The following OLA1 variants were observed in gnomAD, a reference collection of about 807,000 sequenced individuals.
The protein encoded by OLA1 is obg-like ATPase 1.
In OLA1, 14 loss-of-function variants were observed where a neutral mutation model predicts 48.4. The observed-to-expected ratio is 0.29, with a 90% confidence interval of 0.19 to 0.45. OLA1 has a LOEUF of 0.45. Ranked by LOEUF, OLA1 falls within the 20% of genes least tolerant of loss-of-function variation. The pLI, the probability that OLA1 is intolerant of heterozygous loss-of-function variation, is 1.00. For synonymous variants in OLA1, 127 were observed against 150.4 expected (o/e 0.84, Z 1.14); for missense variants, 325 against 467.1 (o/e 0.70, Z 2.80).
At chr2:174,107,486 G>A (rs550989361) in intron 7 of OLA1, among the ~76,000 whole-genome samples, 40 of 152,162 alleles carry the variant, frequency 2.6e-4, no homozygotes, top group East Asian at 1.3e-3. Context: ...GGTAACATTC[G>A]AGTAGTGTTA....
intron 4 of OLA1, among the ~76,000 whole-genome samples, chr2:174,200,727 A>T (rs1239344762): frequency 6.6e-6 from 1 of 152,208 alleles, no homozygotes; most frequent in African/African-American, 2.4e-5. Context: ...TTATTTTAAC[A>T]ACTTTATCCA....
intron 4 of OLA1, among the ~76,000 whole-genome samples, chr2:174,146,852 A>C (rs1002606210): frequency 6.6e-6 from 1 of 152,208 alleles, no homozygotes; most frequent in Non-Finnish European, 1.5e-5. Flanking sequence ...CTATAAGCGC[A>C]CTAATTATAT....
intron 4 of OLA1, among the ~76,000 whole-genome samples, chr2:174,181,276 A>G (rs1248519707): frequency 6.6e-6 from 1 of 152,198 alleles, no homozygotes; most frequent in African/African-American, 2.4e-5. Context: ...GGTTTTTAAA[A>G]GGAATCGAAT....
At chr2:174,185,510 G>A (rs572880992) in intron 4 of OLA1, among the ~76,000 whole-genome samples, 7 of 152,044 alleles carry the variant, frequency 4.6e-5, no homozygotes, top group Non-Finnish European at 8.8e-5. Context: ...TTTTTCCTAT[G>A]AGCATTTTTT....
chr2:174,129,457 CAATAAATAAATAAATA>C (rs199979448), intron 5 of OLA1, among the ~76,000 whole-genome samples: 33 of 140,720 alleles, frequency 2.3e-4, no homozygotes, highest in East Asian at 8.3e-4. Context: ...GACTCCGTCT[CAATAAATAAATAAATA>C]AATAAATAAA....
intron 7 of OLA1, among the ~76,000 whole-genome samples, chr2:174,095,027 T>C (rs1304702778): frequency 6.6e-6 from 1 of 152,248 alleles, no homozygotes; most frequent in East Asian, 1.9e-4. Context: ...ATGTCTATAC[T>C]ACATTTTCTT....
At position 174,075,501 on chromosome 2, in the gene OLA1, G is replaced by A. The variant is rs751421055; in HGVS notation, c.1116C>T (p.Gly372=). 82 of 1,610,176 alleles carry A rather than the reference G, an allele frequency of 5.1e-5. 1 individual carries two copies. The highest frequency in any genetic ancestry group is 1.7e-4 in the Middle Eastern group (1 of 6,056). Residue 372 remains glycine, a synonymous_variant, in exon 11 of 11, where the codon GGC becomes GGT. Coordinates refer to ENST00000284719, the MANE Select transcript of OLA1 (RefSeq NM_013341.5). ...CTCCATCTTCAACAATATAATTTCT[G>A]CCTTGTTGTCTGTACTTTCCAGCAG... ...VKAAGKYRQQ[G]RNYIVEDGDI...
At chr2:174,188,371 A>AAT (rs1558995992) in intron 4 of OLA1, among the ~76,000 whole-genome samples, 27 of 149,260 alleles carry the variant, frequency 1.8e-4, no homozygotes, top group African/African-American at 5.4e-4. Flanking sequence ...TTCCTCCTAA[A>AAT]AATAATAATA....
intron 7 of OLA1, among the ~76,000 whole-genome samples, chr2:174,089,889 G>A (rs1457144582): frequency 5.0e-5 from 7 of 139,986 alleles, no homozygotes; most frequent in East Asian, 2.1e-4. Flanking sequence ...GCGACAGGGC[G>A]AGACCCTGTC....
At chr2:174,082,361 C>T (rs1297417191) in intron 7 of OLA1, among the ~76,000 whole-genome samples, 1 of 151,946 alleles carries the variant, frequency 6.6e-6, no homozygotes, top group Non-Finnish European at 1.5e-5. Context: ...ACACCTGTAC[C>T]CTTGAATAAA....
At chr2:174,220,244 C>T (rs1180649433) in intron 4 of OLA1, among the ~76,000 whole-genome samples, 1 of 152,176 alleles carries the variant, frequency 6.6e-6, no homozygotes, top group Non-Finnish European at 1.5e-5. Flanking sequence ...ATCGCTCCTA[C>T]TCCTCATCAT....
chr2:174,222,723 A>C (rs1265696831), intron 4 of OLA1, among the ~76,000 whole-genome samples: 1 of 152,234 alleles, frequency 6.6e-6, no homozygotes, highest in African/African-American at 2.4e-5. Context: ...AATTTAAGAT[A>C]ATTTCAGAAT....
intron 4 of OLA1, among the ~76,000 whole-genome samples, chr2:174,200,102 A>T (rs1366235087): frequency 2.0e-5 from 3 of 152,136 alleles, no homozygotes; most frequent in Admixed American, 2.0e-4. Flanking sequence ...TAATGGGTTT[A>T]CTGTGGTTTT....
At chr2:174,221,515 A>C (rs1688501912) in intron 4 of OLA1, among the ~76,000 whole-genome samples, 10 of 151,396 alleles carry the variant, frequency 6.6e-5, no homozygotes, top group Admixed American at 6.6e-4. Flanking sequence ...TCCTATTTTC[A>C]CTCCCACTCT....
Position 174,174,503 on chromosome 2 carries a change from G to C in OLA1, c.374-32503C>G, listed in dbSNP as rs542231565. Among the ~76,000 whole-genome samples, 167 of 151,982 alleles carry C rather than the reference G, an allele frequency of 1.1e-3. 1 individual carries two copies. Among genetic ancestry groups the C allele is most frequent in the Non-Finnish European group, 2.0e-3 (134 of 67,846 alleles). ...CAGGATAAAAACTCTCAGCAAACTA[G>C]GAATAACGAGTAACTACTTCAACCT... On this transcript the variant is annotated intron_variant, in intron 4 of 10. Transcript: ENST00000284719.
chr2:174,083,120 A>G lies in OLA1; in HGVS notation c.729-1056T>C, dbSNP rs180781281. On this transcript the variant is annotated intron_variant, in intron 7 of 10. Coordinates refer to ENST00000284719, the MANE Select transcript of OLA1 (RefSeq NM_013341.5). ...CTGGAACTGAGTTTAGTGTGAGACT[A>G]TACATTCCATTAAAATTTTTATAAA... Among the ~76,000 whole-genome samples the G allele has an allele frequency of 2.6e-5, 4 of 152,302 alleles. No individual in the cohort carries two copies. The East Asian group carries it at 7.7e-4, about 29-fold the overall frequency.
At chr2:174,194,154 C>T (rs1027771699) in intron 4 of OLA1, among the ~76,000 whole-genome samples, 16 of 152,290 alleles carry the variant, frequency 1.1e-4, no homozygotes, top group Non-Finnish European at 2.2e-4. Flanking sequence ...CACGTGTCAC[C>T]GCTGTTCTCG....
At chr2:174,086,263 A>G (rs1044353506) in intron 7 of OLA1, among the ~76,000 whole-genome samples, 1 of 152,102 alleles carries the variant, frequency 6.6e-6, no homozygotes, top group Non-Finnish European at 1.5e-5. Context: ...GTATTTTTCT[A>G]GTATCTGGTC....
chr2:174,133,381 G>A (rs1686227322), intron 5 of OLA1, among the ~76,000 whole-genome samples: 1 of 152,134 alleles, frequency 6.6e-6, no homozygotes, highest in South Asian at 2.1e-4. Flanking sequence ...TTCTTTCTGA[G>A]ACACAGACTC....
Sources: allele counts gnomAD v4.1 joint callset (sites outside exome capture counted in the v4.1 genomes callset), GRCh38; gene constraint gnomAD v4.1.1; transcripts MANE v1.5; gene names NCBI Gene and HGNC (gene_info 2026-07-23, HGNC 2026-07-21).